The following TMA7B variants were observed in gnomAD, a reference collection of about 807,000 sequenced individuals.
TMA7B encodes the protein translation machinery associated 7 homolog B, also known as translation machinery-associated protein 7B.
chr22:39,964,407 A>G, the TMA7B span: 1 of 809,030 alleles, frequency 1.2e-6, no homozygotes. Context: ...AGAAGAAGGC[A>G]CTGAAACAGC....
At chr22:39,964,494 C>A in the TMA7B span, 9 of 1,031,524 alleles carry the variant, frequency 8.7e-6, no homozygotes, top group African/African-American at 1.4e-4. Context: ...AGAAGAAACT[C>A]GAGGTGCTAA....
the TMA7B span, among the ~76,000 whole-genome samples, chr22:39,961,272 A>G: frequency 6.6e-6 from 1 of 152,066 alleles, no homozygotes; most frequent in South Asian, 2.1e-4. Flanking sequence ...TCTAATTTCT[A>G]TGACTCACTC....
At chr22:39,964,043 G>C in the TMA7B span, 3 of 212,768 alleles carry the variant, frequency 1.4e-5, no homozygotes, top group Admixed American at 1.6e-4. Context: ...TACTCTCAGA[G>C]GTATCTTTAC....
At chr22:39,961,704 G>T in the TMA7B span, among the ~76,000 whole-genome samples, 2 of 152,314 alleles carry the variant, frequency 1.3e-5, no homozygotes, top group South Asian at 4.1e-4. Flanking sequence ...ATGTGAAACT[G>T]CAAGAATATA....
chr22:39,962,546 T>C, the TMA7B span, among the ~76,000 whole-genome samples: 2 of 152,198 alleles, frequency 1.3e-5, no homozygotes, highest in Admixed American at 6.5e-5. Context: ...CCTCCCCTCT[T>C]TACCCCATCA....
chr22:39,963,471 A>G, the TMA7B span, among the ~76,000 whole-genome samples: 1 of 152,162 alleles, frequency 6.6e-6, no homozygotes, highest in South Asian at 2.1e-4. Context: ...CCTCACCTGG[A>G]TGTGAAGGAT....
At chr22:39,960,906 G>A in the TMA7B span, 1 of 151,900 alleles carries the variant, frequency 6.6e-6, no homozygotes, top group Non-Finnish European at 1.5e-5. Context: ...TTTGATCTAA[G>A]GTAACAGACT....
chr22:39,963,078 T>C, the TMA7B span, among the ~76,000 whole-genome samples: 4 of 152,226 alleles, frequency 2.6e-5, no homozygotes, highest in African/African-American at 4.8e-5. Context: ...CTTCTAGTTA[T>C]GGTGACAATT....
chr22:39,962,340 G>A, the TMA7B span, among the ~76,000 whole-genome samples: 1 of 152,048 alleles, frequency 6.6e-6, no homozygotes, highest in East Asian at 1.9e-4. Flanking sequence ...AAGGATTGTT[G>A]GAGCTGGGCG....
the TMA7B span, among the ~76,000 whole-genome samples, chr22:39,961,594 C>T: frequency 6.6e-6 from 1 of 152,130 alleles, no homozygotes; most frequent in African/African-American, 2.4e-5. Flanking sequence ...TCAGTCCACG[C>T]GTAGACATTA....
chr22:39,962,156 C>G, the TMA7B span, among the ~76,000 whole-genome samples: 1 of 152,236 alleles, frequency 6.6e-6, no homozygotes, highest in Non-Finnish European at 1.5e-5. Flanking sequence ...GGCGCCGTGG[C>G]TCATGCCTCT....
At chr22:39,963,110 T>G in the TMA7B span, among the ~76,000 whole-genome samples, 1 of 152,256 alleles carries the variant, frequency 6.6e-6, no homozygotes, top group African/African-American at 2.4e-5. Flanking sequence ...TATCACGTCT[T>G]TGCAGAAATG....
the TMA7B span, chr22:39,964,503 A>G: frequency 9.7e-7 from 1 of 1,031,716 alleles, no homozygotes; most frequent in Non-Finnish European, 1.5e-6. Flanking sequence ...TCGAGGTGCT[A>G]AAAGCGAAGG....
At chr22:39,964,147 G>C in the TMA7B span, 2 of 485,724 alleles carry the variant, frequency 4.1e-6, no homozygotes, top group East Asian at 6.8e-5. Flanking sequence ...ATGTATGTCT[G>C]TTTGAAAAAT....
chr22:39,963,289 T>C, the TMA7B span, among the ~76,000 whole-genome samples: 2 of 152,212 alleles, frequency 1.3e-5, no homozygotes, highest in East Asian at 1.9e-4. Context: ...TTTGTTCCTC[T>C]TCAGGCTTGA....
chr22:39,961,928 T>C, the TMA7B span, among the ~76,000 whole-genome samples: 1 of 152,230 alleles, frequency 6.6e-6, no homozygotes, highest in African/African-American at 2.4e-5. Flanking sequence ...AAATAACAGG[T>C]CAACAATTTG....
At chr22:39,964,123 A>G in the TMA7B span, 3 of 402,866 alleles carry the variant, frequency 7.4e-6, no homozygotes, top group Non-Finnish European at 1.3e-5. Context: ...GTGCCAGTTT[A>G]TTTTTAGATA....
At chr22:39,964,544 G>A in the TMA7B span, 2 of 848,816 alleles carry the variant, frequency 2.4e-6, no homozygotes, top group Non-Finnish European at 4.1e-6. Context: ...GCCACAGGTG[G>A]AATTAAGAAA....
chr22:39,961,670 A>G, the TMA7B span, among the ~76,000 whole-genome samples: 1 of 152,232 alleles, frequency 6.6e-6, no homozygotes, highest in African/African-American at 2.4e-5. Context: ...TGAGGATCGC[A>G]AGTCACGTAT....
Sources: gnomAD v4.1 joint callset for allele counts (sites outside exome capture counted in the v4.1 genomes callset) on GRCh38, gnomAD v4.1.1 for gene constraint, MANE v1.5 for transcripts, NCBI Gene and HGNC (gene_info 2026-07-23, HGNC 2026-07-21) for gene names.